ZDHHC15: variants seen among roughly 807,000 people sequenced by gnomAD.
ZDHHC15 encodes the protein palmitoyltransferase ZDHHC15.
Under a neutral mutation model 31.7 loss-of-function variants are expected in ZDHHC15, and 19 were observed. The observed-to-expected ratio is 0.60, with a 90% CI of 0.42 to 0.88. The LOEUF (loss-of-function observed/expected upper bound fraction) is 0.88, where lower values mean the gene tolerates loss of function less well. Ranked by LOEUF, ZDHHC15 falls within the 40% of genes least tolerant of loss-of-function variation. The pLI is 0.00. For synonymous variants in ZDHHC15, 103 were observed against 90.0 expected (o/e 1.14, Z -0.82); for missense variants, 209 against 251.2 (o/e 0.83, Z 1.14).
At chrX:75,385,472 TCC>T (rs2083169793) in intron 10 of ZDHHC15, among the ~76,000 whole-genome samples, 1 of 111,820 alleles carries the variant, frequency 8.9e-6, no homozygotes, top group Non-Finnish European at 1.9e-5. Flanking sequence ...ACGTCTAAGG[TCC>T]CACCCAAACT....
At chrX:75,514,596 C>T (rs1176858373) in intron 1 of ZDHHC15, among the ~76,000 whole-genome samples, 1 of 111,895 alleles carries the variant, frequency 8.9e-6, no homozygotes, top group Non-Finnish European at 1.9e-5. Context: ...GGCATCACCT[C>T]ACCCAGGAAG....
intron 10 of ZDHHC15, chrX:75,384,944 T>C: frequency 4.6e-6 from 2 of 438,310 alleles, no homozygotes; most frequent in Non-Finnish European, 8.0e-6. Flanking sequence ...CCAATATGCA[T>C]GGAAATACAT....
At chrX:75,431,343 G>A (rs1470900653) in intron 5 of ZDHHC15, 108 bp downstream of exon 5, 12 of 714,313 alleles carry the variant, frequency 1.7e-5, no homozygotes, top group African/African-American at 6.5e-5. Flanking sequence ...ATAATTGAAA[G>A]GAAATGCTCT....
At chrX:75,491,499 T>G (rs1465721284) in intron 2 of ZDHHC15, among the ~76,000 whole-genome samples, 1 of 99,362 alleles carries the variant, frequency 1.0e-5, no homozygotes, top group African/African-American at 3.7e-5. Context: ...GGGGGAGGGA[T>G]AGCTTTAGGA....
At chrX:75,383,857 C>T (rs1319150531) in intron 10 of ZDHHC15, among the ~76,000 whole-genome samples, 4 of 104,505 alleles carry the variant, frequency 3.8e-5, no homozygotes, top group African/African-American at 1.4e-4. Flanking sequence ...TCCTGCCTCA[C>T]CCTCCCGAGT....
chrX:75,495,879 T>C (rs1374459087), intron 2 of ZDHHC15, among the ~76,000 whole-genome samples: 1 of 106,710 alleles, frequency 9.4e-6, no homozygotes, highest in Non-Finnish European at 1.9e-5. Context: ...CATCTATACA[T>C]ATGTAACTAA....
intron 2 of ZDHHC15, among the ~76,000 whole-genome samples, chrX:75,498,561 T>G (rs751085830): frequency 1.8e-5 from 2 of 111,450 alleles, no homozygotes; most frequent in African/African-American, 6.5e-5. Flanking sequence ...AGCAACAACT[T>G]AGGAATATAC....
chrX:75,386,576 C>T (rs934548449), intron 10 of ZDHHC15, among the ~76,000 whole-genome samples: 24 of 110,886 alleles, frequency 2.2e-4, no homozygotes, highest in Middle Eastern at 4.6e-3. Flanking sequence ...TGGGCTCAAG[C>T]GATCCTCCCA....
intron 4 of ZDHHC15, among the ~76,000 whole-genome samples, chrX:75,449,774 T>A (rs1231564374): frequency 8.9e-6 from 1 of 112,137 alleles, no homozygotes; most frequent in Non-Finnish European, 1.9e-5. Context: ...AACATAATCA[T>A]CCTTATTAGA....
chrX:75,400,329 A>G (rs1455080231), intron 10 of ZDHHC15, among the ~76,000 whole-genome samples: 1 of 112,106 alleles, frequency 8.9e-6, no homozygotes, highest in Non-Finnish European at 1.9e-5. Context: ...GAATTTCACA[A>G]TGCAATCACA....
intron 1 of ZDHHC15, among the ~76,000 whole-genome samples, chrX:75,520,606 C>A (rs953212673): frequency 9.0e-6 from 1 of 110,997 alleles, no homozygotes; most frequent in African/African-American, 3.3e-5. Flanking sequence ...ATCCTAGGAG[C>A]AATGTCCATA....
intron 3 of ZDHHC15, among the ~76,000 whole-genome samples, chrX:75,458,968 C>T (rs1468606603): frequency 1.0e-5 from 1 of 98,322 alleles, no homozygotes; most frequent in Non-Finnish European, 2.1e-5. Context: ...GGGGAAATAG[C>T]CCTCCCAGGA....
chrX:75,422,660 T>C (rs1255523608), intron 8 of ZDHHC15, among the ~76,000 whole-genome samples: 1 of 111,403 alleles, frequency 9.0e-6, no homozygotes, highest in Admixed American at 9.6e-5. Flanking sequence ...ATTTGTTCTT[T>C]GTTTTCAGAC....
chrX:75,470,329 C>T (rs985362933), intron 3 of ZDHHC15, among the ~76,000 whole-genome samples: 1 of 111,696 alleles, frequency 9.0e-6, no homozygotes, highest in Non-Finnish European at 1.9e-5. Flanking sequence ...TTCCTTGCTC[C>T]TCAGCTTGCA....
chrX:75,399,547 C>T (rs1282318425), intron 10 of ZDHHC15, among the ~76,000 whole-genome samples: 2 of 111,275 alleles, frequency 1.8e-5, no homozygotes, highest in Non-Finnish European at 1.9e-5. Flanking sequence ...TGGAGTAAAG[C>T]CTCCAGGAGT....
At chrX:75,450,757 GA>G in intron 4 of ZDHHC15, 44 bp downstream of exon 4, 1 of 1,209,882 alleles carries the variant, frequency 8.3e-7, no homozygotes, top group Non-Finnish European at 1.1e-6. Context: ...GCCTTTCTGA[GA>G]TACTTGCTGA....
At chrX:75,390,963 AAATC>A (rs1158377014) in intron 10 of ZDHHC15, among the ~76,000 whole-genome samples, 1 of 111,992 alleles carries the variant, frequency 8.9e-6, no homozygotes, top group Non-Finnish European at 1.9e-5. Flanking sequence ...AGCTCAGTGA[AAATC>A]AAGATAATAC....
intron 3 of ZDHHC15, among the ~76,000 whole-genome samples, chrX:75,459,598 G>A (rs2084280078): frequency 9.0e-6 from 1 of 111,260 alleles, no homozygotes; most frequent in Non-Finnish European, 1.9e-5. Flanking sequence ...CTCCTCACTG[G>A]GTGGAGCCTG....
At chrX:75,387,891 A>G (rs927184701) in intron 10 of ZDHHC15, among the ~76,000 whole-genome samples, 15 of 112,089 alleles carry the variant, frequency 1.3e-4, no homozygotes, top group Admixed American at 1.2e-3. Flanking sequence ...TAATAGTCAA[A>G]CTCTCAAAGG....
Sources: allele counts gnomAD v4.1 joint callset (sites outside exome capture counted in the v4.1 genomes callset), GRCh38; gene constraint gnomAD v4.1.1; transcripts MANE v1.5; gene names NCBI Gene and HGNC (gene_info 2026-07-23, HGNC 2026-07-21).